Variants in ARHGAP20 observed in about 807,000 individuals in gnomAD.
ARHGAP20 encodes the protein rho GTPase-activating protein 20.
A neutral mutation model predicts 73.7 loss-of-function variants in ARHGAP20; 34 were observed. The observed-to-expected ratio is 0.46, with a 90% CI of 0.35 to 0.61. ARHGAP20 has a LOEUF of 0.61. Among genes scored for constraint, ARHGAP20 ranks in the 20% least tolerant of loss-of-function variants. ARHGAP20 has a pLI of 0.00. For synonymous variants in ARHGAP20, 523 were observed against 518.2 expected, an observed-to-expected ratio of 1.01 and a Z score of -0.13; for missense variants, 1,314 against 1,420.9, an observed-to-expected ratio of 0.92 and a Z score of 1.21.
intron 4 of ARHGAP20, among the ~76,000 whole-genome samples, chr11:110,623,746 A>T (rs931065141): frequency 3.9e-5 from 6 of 152,168 alleles, no homozygotes; most frequent in African/African-American, 1.4e-4. Context: ...AAAGCTCAAT[A>T]CGTAAAACAA....
At chr11:110,668,145 G>A (rs534172601) in intron 2 of ARHGAP20, among the ~76,000 whole-genome samples, 4 of 152,198 alleles carry the variant, frequency 2.6e-5, no homozygotes, top group African/African-American at 9.6e-5. Flanking sequence ...AAAATCTTCC[G>A]TGAAAGAAAG....
chr11:110,691,081 A>G (rs1950233797), intron 1 of ARHGAP20: 6 of 1,220,406 alleles, frequency 4.9e-6, no homozygotes, highest in Non-Finnish European at 6.7e-6. Flanking sequence ...AAACAGTTAA[A>G]GCAAAAGCAC....
intron 2 of ARHGAP20, among the ~76,000 whole-genome samples, chr11:110,674,451 A>G (rs1049767294): frequency 6.6e-5 from 10 of 152,222 alleles, no homozygotes; most frequent in African/African-American, 1.2e-4. Flanking sequence ...ACACGATGGC[A>G]TAAGTGGAAA....
chr11:110,620,353 A>G (rs571177587), intron 4 of ARHGAP20, among the ~76,000 whole-genome samples: 1 of 152,132 alleles, frequency 6.6e-6, no homozygotes, highest in South Asian at 2.1e-4. Flanking sequence ...ATCTTGCTAT[A>G]TTGACCAGTT....
At chr11:110,585,001 ATGAATATG>A (rs1947607244) in intron 12 of ARHGAP20, among the ~76,000 whole-genome samples, 2 of 118,616 alleles carry the variant, frequency 1.7e-5, no homozygotes, top group South Asian at 2.9e-4. Flanking sequence ...ATATGAATAT[ATGAATATG>A]TATGTGAACA....
chr11:110,586,364 C>A, intron 11 of ARHGAP20, 39 bp from the exon 12 acceptor site: 2 of 1,290,010 alleles, frequency 1.6e-6, no homozygotes, highest in Admixed American at 2.2e-5. Flanking sequence ...AAATAATTAT[C>A]CTCATGCCAA....
intron 1 of ARHGAP20, among the ~76,000 whole-genome samples, chr11:110,710,949 T>C (rs1950638118): frequency 6.8e-6 from 1 of 147,076 alleles, no homozygotes; most frequent in South Asian, 2.1e-4. Flanking sequence ...AGCTAGAAGA[T>C]GCCTCTAATC....
intron 2 of ARHGAP20, among the ~76,000 whole-genome samples, chr11:110,658,174 G>T (rs1332790111): frequency 5.3e-5 from 8 of 152,158 alleles, no homozygotes; most frequent in Middle Eastern, 3.2e-3. Flanking sequence ...CAGGGTTGTT[G>T]TGAGGATTAA....
At chr11:110,676,097 C>T (rs1565472163) in intron 2 of ARHGAP20, among the ~76,000 whole-genome samples, 1 of 152,180 alleles carries the variant, frequency 6.6e-6, no homozygotes, top group Non-Finnish European at 1.5e-5. Context: ...CAACTCTCTA[C>T]TTCATGTTAG....
chr11:110,619,626 G>A (rs1948580521), intron 4 of ARHGAP20, among the ~76,000 whole-genome samples: 1 of 151,828 alleles, frequency 6.6e-6, no homozygotes, highest in African/African-American at 2.4e-5. Flanking sequence ...TGTATGCAGT[G>A]ATAGAGTATA....
intron 7 of ARHGAP20, among the ~76,000 whole-genome samples, chr11:110,611,018 A>C (rs1298306130): frequency 6.6e-6 from 1 of 152,058 alleles, no homozygotes; most frequent in Non-Finnish European, 1.5e-5. Flanking sequence ...TATACCAAAA[A>C]AATTTTTGTA....
At chr11:110,667,415 T>C (rs952816558) in intron 2 of ARHGAP20, among the ~76,000 whole-genome samples, 5 of 152,216 alleles carry the variant, frequency 3.3e-5, no homozygotes, top group African/African-American at 7.2e-5. Flanking sequence ...ACATGTTTTA[T>C]TAAATATTTT....
chr11:110,589,444 G>A (rs1300712531), intron 11 of ARHGAP20: 3 of 985,224 alleles, frequency 3.0e-6, no homozygotes, highest in African/African-American at 1.7e-5. Flanking sequence ...CTGGAGTAGG[G>A]GTATGCAAGA....
chr11:110,660,068 A>AAAAAAAAACAAAC (rs1555097616), intron 2 of ARHGAP20, among the ~76,000 whole-genome samples: 15 of 150,974 alleles, frequency 9.9e-5, no homozygotes, highest in Middle Eastern at 3.5e-3. Flanking sequence ...AAACAAAAAA[A>AAAAAAAAACAAAC]AAAAAAAAAA....
At chr11:110,625,970 C>T (rs747905877) in intron 3 of ARHGAP20, among the ~76,000 whole-genome samples, 4 of 152,186 alleles carry the variant, frequency 2.6e-5, no homozygotes, top group Non-Finnish European at 5.9e-5. Flanking sequence ...TTTGCAGGAA[C>T]TGAAGGAGAA....
intron 8 of ARHGAP20, 137 bp downstream of exon 8, chr11:110,608,847 A>T (rs1948296950): frequency 1.5e-6 from 1 of 660,304 alleles, no homozygotes; most frequent in Non-Finnish European, 2.6e-6. Context: ...TCTTTGATAG[A>T]TCTTTATTAA....
intron 1 of ARHGAP20, among the ~76,000 whole-genome samples, chr11:110,710,294 T>C (rs1950622034): frequency 6.6e-6 from 1 of 152,188 alleles, no homozygotes. Context: ...GACAGCATCT[T>C]AAGGACGGTG....
chr11:110,689,722 A>G (rs1418445176), intron 2 of ARHGAP20, among the ~76,000 whole-genome samples: 3 of 152,102 alleles, frequency 2.0e-5, no homozygotes, highest in South Asian at 2.1e-4. Flanking sequence ...TAAAGTATTA[A>G]TTGGTCACAG....
chr11:110,608,773 C>G (rs185689611), intron 8 of ARHGAP20, among the ~76,000 whole-genome samples: 20 of 152,254 alleles, frequency 1.3e-4, no homozygotes, highest in African/African-American at 4.6e-4. Context: ...GTTTATATTT[C>G]TCTTCCCAAC....
Sources: gnomAD v4.1 joint callset for allele counts (sites outside exome capture counted in the v4.1 genomes callset) on GRCh38, gnomAD v4.1.1 for gene constraint, MANE v1.5 for transcripts, NCBI Gene and HGNC (gene_info 2026-07-23, HGNC 2026-07-21) for gene names.